The following CARS2 variants were observed in gnomAD, a reference collection of about 807,000 sequenced individuals.
CARS2 encodes the protein cysteinyl-tRNA synthetase 2, mitochondrial, also known as probable cysteine--tRNA ligase, mitochondrial.
CARS2 carries 52 observed loss-of-function variants against 68.8 expected under a neutral mutation model. The ratio of observed to expected loss-of-function variants is 0.76; its 90% CI spans 0.61 to 0.95. CARS2 has a LOEUF of 0.95. Among genes scored for constraint, CARS2 ranks in the 40% least tolerant of loss-of-function variants. The probability of loss-of-function intolerance (pLI) is 0.00; values close to 1 mark genes in which losing one functional copy is unlikely to be tolerated. For missense variants in CARS2, 780 were observed against 754.2 expected, an observed-to-expected ratio of 1.03 and a Z score of -0.40; for synonymous variants, 314 against 303.6, an observed-to-expected ratio of 1.03 and a Z score of -0.36.
chr13:110,683,580 C>T lies in CARS2; in HGVS notation c.572-446G>A, dbSNP rs374905313. On this transcript the variant is annotated intron_variant, in intron 5 of 14. Coordinates refer to ENST00000257347, the MANE Select transcript of CARS2 (RefSeq NM_024537.4). ...ATCAGAAAAAAGAAAAGTGTTATCA[C>T]TGACCTTCATTTAGATCTTGTGCCT... 3.9e-5 allele frequency among the ~76,000 whole-genome samples: 6 copies of T among 152,378 alleles called. No homozygotes were observed. The East Asian group carries it at 5.8e-4, about 15-fold the overall frequency.
At chr13:110,657,082 T>C (rs2062390616) in intron 9 of CARS2, among the ~76,000 whole-genome samples, 1 of 152,164 alleles carries the variant, frequency 6.6e-6, no homozygotes, top group Non-Finnish European at 1.5e-5. Context: ...GTAATATTGG[T>C]ATTAAGTTTT....
At chr13:110,666,405 T>C in intron 8 of CARS2, 1 of 985,402 alleles carries the variant, frequency 1.0e-6, no homozygotes, top group Non-Finnish European at 1.2e-6. Flanking sequence ...TTGTTTCTGC[T>C]TCATTTTTAG....
chr13:110,673,187 A>G (rs1220453160), intron 7 of CARS2, among the ~76,000 whole-genome samples: 2 of 152,222 alleles, frequency 1.3e-5, no homozygotes, highest in African/African-American at 4.8e-5. Context: ...ATCAACAGAA[A>G]ACAAGGGAAT....
chr13:110,702,519 T>G (rs1018389176), intron 2 of CARS2, among the ~76,000 whole-genome samples: 2 of 152,170 alleles, frequency 1.3e-5, no homozygotes, highest in East Asian at 3.8e-4. Context: ...CACCTCAAGT[T>G]GGGAAAGAGT....
intron 3 of CARS2, among the ~76,000 whole-genome samples, chr13:110,692,077 C>T (rs1384689756): frequency 1.4e-5 from 2 of 141,410 alleles, no homozygotes; most frequent in East Asian, 4.0e-4. Flanking sequence ...TACACACATA[C>T]ATATATATAC....
chr13:110,702,091 G>A (rs901664506), intron 2 of CARS2, among the ~76,000 whole-genome samples: 1 of 152,132 alleles, frequency 6.6e-6, no homozygotes, highest in East Asian at 1.9e-4. Context: ...AAAACTAAAA[G>A]GGTTTAAAAT....
In CARS2 at chr13:110,686,437, G is replaced by A. The variant is rs1426195509; in HGVS notation, c.571+1284C>T. On this transcript the variant is annotated intron_variant, in intron 5 of 14. Transcript: ENST00000257347. The stretch of plus-strand genomic sequence containing the variant: ...TTTATATTTTATTTTTGTAGAGAAG[G>A]GGTCTCTCCATGTTGCCCAGGCTGG... Among the ~76,000 whole-genome samples the A allele has an allele frequency of 2.0e-5, 3 of 151,870 alleles. No homozygotes were observed. In the East Asian group the frequency reaches 5.8e-4, roughly 29 times the overall value.
At chr13:110,664,506 G>A (rs2062593580) in intron 8 of CARS2, 1 of 754,228 alleles carries the variant, frequency 1.3e-6, no homozygotes, top group Non-Finnish European at 1.6e-6. Flanking sequence ...CACAGAGCGA[G>A]ACTCTGCCTC....
chr13:110,650,300 G>C (rs183752310), intron 10 of CARS2: 1 of 152,024 alleles, frequency 6.6e-6, no homozygotes, highest in Non-Finnish European at 1.5e-5. Context: ...GTTTTACCAC[G>C]TTGGCCAAAC....
At position 110,642,637 on chromosome 13, in the gene CARS2, T is replaced by C. The variant is rs766613503; in HGVS notation, c.1417-116A>G. 3 of 984,596 alleles carry C rather than the reference T, an allele frequency of 3.0e-6. No homozygotes were observed. In the East Asian group the frequency reaches 7.1e-5, roughly 23 times the overall value. 61.0% of individuals were successfully genotyped at this position (984,596 alleles called of 1,614,324 possible). On this transcript the variant is annotated intron_variant, in intron 13 of 14. Transcript: ENST00000257347. ...CCACCCAGCCCTGGGCTTCCCTGAT[T>C]CCCTGCAGCTGGGCCTCTTTCTGGG...
chr13:110,667,303 T>C (rs748555756), intron 8 of CARS2, 37 bp downstream of exon 8: 7 of 1,580,874 alleles, frequency 4.4e-6, no homozygotes, highest in East Asian at 4.6e-5. Context: ...ACTGCTAGAA[T>C]TGAAACAGAA....
Position 110,687,993 on chromosome 13 carries a change from G to A in CARS2, c.419C>T (p.Ala140Val), listed in dbSNP as rs1260763920. ...CTTGAAGTCTTCCTCATAAAGACTGGCGAGGGAAGCGGGGGAAATATTCAT... is the reference window on the plus strand; with the variant it reads ...CTTGAAGTCTTCCTCATAAAGACTGACGAGGGAAGCGGGGGAAATATTCAT... ...NEMNISPASL[A>V]SLYEEDFKQD... The change falls in exon 4 of 15, where the codon GCC (alanine) becomes GTC (valine). Residue 140 changes from alanine (A) to valine (V), a missense_variant. Transcript: ENST00000257347. The A allele has an allele frequency of 1.2e-6, 2 of 1,611,650 alleles. No homozygotes were observed. Among genetic ancestry groups the A allele is most frequent in the Non-Finnish European group, 1.7e-6 (2 of 1,178,942 alleles).
chr13:110,695,949 GC>G (rs1336101637), intron 3 of CARS2, among the ~76,000 whole-genome samples: 1 of 151,894 alleles, frequency 6.6e-6, no homozygotes, highest in East Asian at 1.9e-4. Flanking sequence ...CCTGACAGGC[GC>G]CGGGTGTGTG....
Position 110,642,503 on chromosome 13 carries a change from T to G in CARS2, c.1435A>C (p.Ser479Arg), listed in dbSNP as rs1389748244. Residue 479 changes from serine (S) to arginine (R), a missense_variant, in exon 14 of 15, where the codon AGC becomes CGC. Transcript: ENST00000257347. ...ACCACACCATGCAAGGTAGCCTCGC[T>G]GCCGTCTCCTGAAACGTACTGAAGC... ...ANQQYVSGDG[S>R]EATLHGVVDE... 1 of 1,607,952 alleles carries G rather than the reference T, an allele frequency of 6.2e-7. No individual in the cohort carries two copies. Among genetic ancestry groups the G allele is most frequent in the Non-Finnish European group, 8.5e-7 (1 of 1,177,614 alleles).
chr13:110,656,227 T>C (rs2062363369), intron 9 of CARS2, among the ~76,000 whole-genome samples: 1 of 151,992 alleles, frequency 6.6e-6, no homozygotes, highest in South Asian at 2.1e-4. Context: ...CACTTGAACC[T>C]GGGAGGCAGA....
chr13:110,654,238 G>A (rs927122995), intron 9 of CARS2, among the ~76,000 whole-genome samples: 14 of 152,226 alleles, frequency 9.2e-5, no homozygotes, highest in African/African-American at 3.4e-4. Context: ...CCAGGCCCTA[G>A]CTTGCTTTGA....
At position 110,650,998 on chromosome 13, in the gene CARS2, TG is replaced by T. The variant is rs71669698; in HGVS notation, c.1054+35del. On this transcript the variant is annotated intron_variant, in intron 10 of 14. Coordinates refer to ENST00000257347, the MANE Select transcript of CARS2 (RefSeq NM_024537.4). ...CCTGTCAGAATGACTGTCTCCGAGCTGGGGGGGGAGTCCACTCCACGTGTGC... is the reference window on the plus strand; with the variant it reads ...CCTGTCAGAATGACTGTCTCCGAGCTGGGGGGGAGTCCACTCCACGTGTGC... 7,945 of 1,500,752 alleles carry T rather than the reference TG, an allele frequency of 5.3e-3. 320 individuals carry two copies. The African/African-American group carries it at 0.091, about 17-fold the overall frequency. The allele number at this position is 1,500,752 out of a possible 1,614,324, so 93.0% of individuals were successfully genotyped here. A position where few individuals can be genotyped will look rare whatever the true frequency, so the allele number is the denominator to read the frequency against.
chr13:110,658,075 AACAAG>A (rs1455736219), intron 9 of CARS2, among the ~76,000 whole-genome samples: 1 of 152,270 alleles, frequency 6.6e-6, no homozygotes, highest in Admixed American at 6.5e-5. Context: ...TGGGATGTTC[AACAAG>A]ACAAGTGGCT....
intron 3 of CARS2, among the ~76,000 whole-genome samples, chr13:110,690,236 A>T (rs1302808004): frequency 1.3e-5 from 2 of 152,162 alleles, no homozygotes; most frequent in African/African-American, 4.8e-5. Flanking sequence ...TCAAAAAAAT[A>T]AAAAATAAAA....
Sources: allele counts gnomAD v4.1 joint callset (sites outside exome capture counted in the v4.1 genomes callset), GRCh38; gene constraint gnomAD v4.1.1; transcripts MANE v1.5; gene names NCBI Gene and HGNC (gene_info 2026-07-23, HGNC 2026-07-21).